The following SUMF1 variants were observed in gnomAD, a reference collection of about 807,000 sequenced individuals.
The protein encoded by SUMF1 is formylglycine-generating enzyme.
SUMF1 carries 48 observed loss-of-function variants against 47.6 expected under a neutral mutation model. The observed-to-expected ratio is 1.01, with a 90% CI of 0.80 to 1.28. SUMF1 has a LOEUF of 1.28. SUMF1 is among the 50% of genes most tolerant of loss of function. The pLI is 0.00. For synonymous variants in SUMF1, 230 were observed against 192.1 expected (o/e 1.20, Z -1.63); for missense variants, 571 against 485.4 (o/e 1.18, Z -1.66).
intron 8 of SUMF1, among the ~76,000 whole-genome samples, chr3:4,175,313 C>G (rs1048131094): frequency 5.9e-5 from 9 of 152,176 alleles, no homozygotes; most frequent in African/African-American, 2.2e-4. Flanking sequence ...AGCCAGCTGC[C>G]CCTCTGAGAT....
intron 1 of SUMF1, among the ~76,000 whole-genome samples, chr3:4,455,069 A>G (rs915824555): frequency 2.6e-5 from 4 of 152,166 alleles, no homozygotes; most frequent in Admixed American, 6.5e-5. Flanking sequence ...ATTGCATTCT[A>G]TATGAATTCT....
intron 8 of SUMF1, among the ~76,000 whole-genome samples, chr3:4,346,972 A>C (rs13326957): frequency 1.3e-5 from 2 of 151,982 alleles, no homozygotes; most frequent in African/African-American, 4.8e-5. Flanking sequence ...ACCCAACCAA[A>C]ACTAAACCAG....
At chr3:4,442,651 A>AAAAAAAAG (rs1416742068) in intron 3 of SUMF1, among the ~76,000 whole-genome samples, 1 of 33,924 alleles carries the variant, frequency 2.9e-5, no homozygotes, top group Admixed American at 4.9e-4. Flanking sequence ...AAAAAAAAAA[A>AAAAAAAAG]AGAGAGAGAA....
chr3:4,335,834 C>T (rs977340896), intron 8 of SUMF1, among the ~76,000 whole-genome samples: 12 of 151,692 alleles, frequency 7.9e-5, no homozygotes, highest in Admixed American at 4.6e-4. Context: ...GTGGCGGGCA[C>T]ATGTAATCCC....
intron 8 of SUMF1, among the ~76,000 whole-genome samples, chr3:4,227,093 T>C (rs1238480262): frequency 6.6e-6 from 1 of 152,060 alleles, no homozygotes; most frequent in South Asian, 2.1e-4. Flanking sequence ...ATTCTAGCCC[T>C]CAACTCATGA....
chr3:4,345,649 G>C (rs1053545969), intron 8 of SUMF1, among the ~76,000 whole-genome samples: 9 of 152,142 alleles, frequency 5.9e-5, no homozygotes, highest in African/African-American at 1.9e-4. Context: ...TAACCACATA[G>C]TATCATGATG....
chr3:4,395,148 T>C (rs1701000348), intron 7 of SUMF1, among the ~76,000 whole-genome samples: 1 of 152,014 alleles, frequency 6.6e-6, no homozygotes, highest in African/African-American at 2.4e-5. Context: ...ATAAATGGCA[T>C]CCCCAAGATC....
intron 6 of SUMF1, among the ~76,000 whole-genome samples, chr3:4,414,285 C>A (rs1010253740): frequency 6.6e-6 from 1 of 152,196 alleles, no homozygotes; most frequent in Non-Finnish European, 1.5e-5. Context: ...AAGCTGTGAT[C>A]ATGCCACTGC....
At chr3:4,409,538 C>A (rs1042682118) in intron 7 of SUMF1, among the ~76,000 whole-genome samples, 2 of 152,160 alleles carry the variant, frequency 1.3e-5, no homozygotes, top group Non-Finnish European at 2.9e-5. Context: ...GCCTTGTGCA[C>A]CCCCTTCCAA....
At position 4,417,182 on chromosome 3, in the gene SUMF1, C is replaced by T. The variant is rs2125031946; in HGVS notation, c.786G>A (p.Gln262=). The T allele has an allele frequency of 6.2e-7, 1 of 1,614,042 alleles. No individual in the cohort carries two copies. Among genetic ancestry groups the T allele is most frequent in the South Asian group, 1.1e-5 (1 of 91,076 alleles). Residue 262 remains glutamine, a synonymous_variant, in exon 6 of 9, where the codon CAG becomes CAA. Transcript: ENST00000272902. ...PKGQHYANIW[Q]GEFPVTNTGE... is the part of the protein sequence containing the mutation. ...CAGTGTTGGTCACCGGAAACTCGCC[C>T]TGCCAAATGTTGGCATAATGCTGGC...
chr3:4,089,113 G>T (rs1342006344), intron 8 of SUMF1, among the ~76,000 whole-genome samples: 4 of 152,026 alleles, frequency 2.6e-5, no homozygotes, highest in Admixed American at 2.6e-4. Flanking sequence ...AACATGAAGT[G>T]CAGATTATGT....
chr3:4,263,742 A>G (rs1375850524), intron 8 of SUMF1, among the ~76,000 whole-genome samples: 1 of 152,182 alleles, frequency 6.6e-6, no homozygotes, highest in African/African-American at 2.4e-5. Flanking sequence ...TTCTCTTAAT[A>G]CTGAAGGCAT....
chr3:4,232,876 C>G (rs544566016), intron 8 of SUMF1, among the ~76,000 whole-genome samples: 2 of 152,218 alleles, frequency 1.3e-5, no homozygotes, highest in South Asian at 4.2e-4. Context: ...CACCAGGTTG[C>G]CAGACAAATC....
chr3:4,457,293 A>C (rs1036293299), intron 1 of SUMF1, among the ~76,000 whole-genome samples: 1 of 151,996 alleles, frequency 6.6e-6, no homozygotes, highest in Non-Finnish European at 1.5e-5. Flanking sequence ...TTAAGAAATT[A>C]ATCCCAGGCC....
rs1250981346 is a variant in SUMF1 at position 4,180,802 on chromosome 3, G to A, written c.1015-112057C>T. Among the ~76,000 whole-genome samples the A allele has an allele frequency of 6.7e-5, 10 of 150,204 alleles. No individual in the cohort carries two copies. In the Admixed American group the frequency reaches 6.7e-4, roughly 10 times the overall value. On this transcript the variant is annotated intron_variant and NMD_transcript_variant, in intron 8 of 12. Coordinates refer to the SUMF1 transcript ENST00000448413. ...TGGGAGGTTGAGGTTACAGTGAGCT[G>A]AGATCACACCACTGCACTCCAGCCT...
intron 3 of SUMF1, among the ~76,000 whole-genome samples, chr3:4,428,990 T>C (rs113455971): frequency 2.0e-3 from 298 of 152,314 alleles, no homozygotes; most frequent in Non-Finnish European, 3.4e-3. Context: ...ACCAATATTT[T>C]TGTCTTGTCA....
At chr3:4,434,475 G>A (rs77094708) in intron 3 of SUMF1, among the ~76,000 whole-genome samples, 3,612 of 152,142 alleles carry the variant, frequency 0.024, 127 homozygotes, top group African/African-American at 0.083. Context: ...TTATAAATGC[G>A]CAACAGTAAA....
chr3:4,226,991 G>A (rs1266940075), intron 8 of SUMF1, among the ~76,000 whole-genome samples: 1 of 152,064 alleles, frequency 6.6e-6, no homozygotes, highest in East Asian at 1.9e-4. Flanking sequence ...CAGGAGGCAT[G>A]GGGTGGAACT....
chr3:4,348,008 C>G (rs1184441926), intron 8 of SUMF1, among the ~76,000 whole-genome samples: 1 of 152,116 alleles, frequency 6.6e-6, no homozygotes, highest in African/African-American at 2.4e-5. Flanking sequence ...CTACAAAGCA[C>G]TGCTCAAGGA....
Sources: gnomAD v4.1 joint callset for allele counts (sites outside exome capture counted in the v4.1 genomes callset) on GRCh38, gnomAD v4.1.1 for gene constraint, MANE v1.5 for transcripts, NCBI Gene and HGNC (gene_info 2026-07-23, HGNC 2026-07-21) for gene names.